Variants in NSL1 observed in about 807,000 individuals in gnomAD.
The protein encoded by NSL1 is NSL1 component of MIS12 kinetochore complex.
A neutral mutation model predicts 25.4 loss-of-function variants in NSL1; 11 were observed. The observed-to-expected ratio is 0.43, with a 90% CI of 0.27 to 0.72. The LOEUF (loss-of-function observed/expected upper bound fraction) is 0.72. Among genes scored for constraint, NSL1 ranks in the 30% least tolerant of loss-of-function variants. The probability of loss-of-function intolerance (pLI) is 0.19; values close to 1 mark genes in which losing one functional copy is unlikely to be tolerated. For missense variants in NSL1, 330 were observed against 342.7 expected, an observed-to-expected ratio of 0.96 and a Z score of 0.29; for synonymous variants, 118 against 120.6, an observed-to-expected ratio of 0.98 and a Z score of 0.14.
intron 4 of NSL1, among the ~76,000 whole-genome samples, chr1:212,754,775 A>AAAAAAAAAAAAAAAAAAAAAAC: frequency 6.6e-6 from 1 of 150,776 alleles, no homozygotes; most frequent in African/African-American, 2.4e-5. Flanking sequence ...GTCTCAAAAA[A>AAAAAAAAAAAAAAAAAAAAAAC]AAAAAAAAAA....
intron 4 of NSL1, among the ~76,000 whole-genome samples, chr1:212,758,658 TC>T (rs1659420136): frequency 6.6e-6 from 1 of 152,198 alleles, no homozygotes; most frequent in African/African-American, 2.4e-5. Flanking sequence ...TGGAAAGCCA[TC>T]CATTATTCAG....
chr1:212,754,010 G>A (rs577563280), intron 4 of NSL1, among the ~76,000 whole-genome samples: 5 of 152,276 alleles, frequency 3.3e-5, no homozygotes, highest in Admixed American at 2.6e-4. Context: ...CTGAAAGACT[G>A]GCAGCAAACA....
At chr1:212,745,614 C>G (rs1658754238) in intron 4 of NSL1, among the ~76,000 whole-genome samples, 1 of 152,142 alleles carries the variant, frequency 6.6e-6, no homozygotes, top group African/African-American at 2.4e-5. Flanking sequence ...AATTCACTAT[C>G]TGCCAAAAAT....
intron 3 of NSL1, among the ~76,000 whole-genome samples, chr1:212,782,869 C>G (rs1180163109): frequency 6.6e-6 from 1 of 152,122 alleles, no homozygotes; most frequent in Non-Finnish European, 1.5e-5. Flanking sequence ...GCCTATATAT[C>G]CTGCGACACA....
At position 212,744,057 on chromosome 1, in the gene NSL1, C is replaced by T. The variant is rs571014704; in HGVS notation, c.500-4456G>A. Among the ~76,000 whole-genome samples, 96 of 152,228 alleles carry T rather than the reference C, an allele frequency of 6.3e-4. 1 individual carries two copies. The highest frequency in any genetic ancestry group is 8.8e-5 in the Non-Finnish European group (6 of 68,036). On this transcript the variant is annotated intron_variant, in intron 4 of 5. Transcript: ENST00000366977. ...ATCTGTTAAAAACATTGAAAGGTAA[C>T]GAAGCAGCAGATGCAGCGTGCAGCA...
chr1:212,758,653 A>C (rs920942090), intron 4 of NSL1, among the ~76,000 whole-genome samples: 3 of 152,246 alleles, frequency 2.0e-5, no homozygotes, highest in African/African-American at 7.2e-5. Flanking sequence ...CCAGATGGAA[A>C]GCCATCCATT....
chr1:212,763,036 G>C (rs925982626), intron 4 of NSL1, among the ~76,000 whole-genome samples: 1 of 152,202 alleles, frequency 6.6e-6, no homozygotes, highest in African/African-American at 2.4e-5. Context: ...TGGGCATATG[G>C]AGAAAGGCAT....
chr1:212,735,492 G>A lies in NSL1; in HGVS notation c.*2916C>T, dbSNP rs1017933128. 9.1e-6 allele frequency: 9 copies of A among 985,228 alleles called. No individual in the cohort carries two copies. The highest frequency in any genetic ancestry group is 8.4e-6 in the Non-Finnish European group (7 of 829,924). The allele number at this position is 985,228 out of a possible 1,614,324, so 61.0% of individuals were successfully genotyped here. The stretch of plus-strand genomic sequence containing the variant: ...TGGTTTTATTCACTTTGTCCTCTAC[G>A]GAGCCCAAGCCATAAAGGGCCAGGG... On this transcript the variant is annotated 3_prime_UTR_variant, in exon 6 of 6. Coordinates refer to ENST00000366977, the MANE Select transcript of NSL1 (RefSeq NM_015471.4).
In NSL1 at chr1:212,782,433, A is replaced by G. The variant is rs1327082432; in HGVS notation, c.445-7T>C. On this transcript the variant is annotated splice_region_variant and splice_polypyrimidine_tract_variant and intron_variant, in intron 3 of 5. Transcript: ENST00000366977. ...CAACAGGGTGGTACTGCTTCTAAACATAACATAAATTAAAACAGATTTAAT... is the reference window on the plus strand; with the variant it reads ...CAACAGGGTGGTACTGCTTCTAAACGTAACATAAATTAAAACAGATTTAAT... 6.3e-7 allele frequency: 1 copy of G among 1,595,928 alleles called. No homozygotes were observed. The highest frequency in any genetic ancestry group is 1.3e-5 in the African/African-American group (1 of 74,556).
Position 212,784,401 on chromosome 1 carries a change from A to C in NSL1, c.406T>G (p.Cys136Gly). 1 of 1,590,762 alleles carries C rather than the reference A, an allele frequency of 6.3e-7. No individual in the cohort carries two copies. The highest frequency in any genetic ancestry group is 8.6e-7 in the Non-Finnish European group (1 of 1,165,462). The change falls in exon 3 of 6, where the codon TGT (cysteine) becomes GGT (glycine). Residue 136 changes from cysteine (C) to glycine (G), a missense_variant. Cys to Gly is a radical substitution (Grantham distance 159, BLOSUM62 -3). Transcript: ENST00000366977. ...RKQYPRKILECVIKTIKAKQE... is the reference protein window; with the variant it reads ...RKQYPRKILEGVIKTIKAKQE... ...TTTGCTTTTATGGTTTTGATGACAC[A>C]TTCCAGGATCTTTCTGGGATACTGC...
At chr1:212,739,938 T>G (rs1658428464) in intron 4 of NSL1, among the ~76,000 whole-genome samples, 1 of 152,196 alleles carries the variant, frequency 6.6e-6, no homozygotes, top group East Asian at 1.9e-4. Flanking sequence ...ACTTTTTATA[T>G]TACTCTGAAT....
Position 212,777,254 on chromosome 1 carries a change from G to T in NSL1, c.499+5118C>A, listed in dbSNP as rs551744566. ...TAGCCAGGCATGGTGACACATGCCT[G>T]AAGTCCCAGCTACTCAGGAGGTTGA... On this transcript the variant is annotated intron_variant, in intron 4 of 5. Coordinates refer to ENST00000366977, the MANE Select transcript of NSL1 (RefSeq NM_015471.4). Among the ~76,000 whole-genome samples, 28 of 152,068 alleles carry T rather than the reference G, an allele frequency of 1.8e-4. No homozygotes were observed. In the South Asian group the frequency reaches 4.6e-3, roughly 25 times the overall value.
At position 212,730,882 on chromosome 1, in the gene NSL1, G is replaced by A. The variant is rs916105387; in HGVS notation, c.*7526C>T. 1 of 985,210 alleles carries A rather than the reference G, an allele frequency of 1.0e-6. No individual in the cohort carries two copies. The highest frequency in any genetic ancestry group is 1.2e-6 in the Non-Finnish European group (1 of 829,908). 61.0% of individuals were successfully genotyped at this position (985,210 alleles called of 1,614,324 possible). A position where few individuals can be genotyped will look rare whatever the true frequency, so the allele number is the denominator to read the frequency against. On this transcript the variant is annotated 3_prime_UTR_variant, in exon 6 of 6. Transcript: ENST00000366977. ...TTAATAATGAATATAAATGCCACAAGCCATTAATGTGTGAGATTGTGATCC... is the reference window on the plus strand; with the variant it reads ...TTAATAATGAATATAAATGCCACAAACCATTAATGTGTGAGATTGTGATCC...
chr1:212,784,175 T>A (rs932469534), intron 3 of NSL1, 188 bp downstream of exon 3: 1 of 363,544 alleles, frequency 2.8e-6, no homozygotes, highest in African/African-American at 2.1e-5. Context: ...CAAAACACAG[T>A]ATAGTATGAC....
At chr1:212,755,127 C>G (rs1659244010) in intron 4 of NSL1, among the ~76,000 whole-genome samples, 1 of 151,992 alleles carries the variant, frequency 6.6e-6, no homozygotes, top group African/African-American at 2.4e-5. Context: ...CCAGTATAAC[C>G]AATGTCAGGG....
At chr1:212,767,639 C>T (rs1448075893) in intron 4 of NSL1, among the ~76,000 whole-genome samples, 1 of 152,170 alleles carries the variant, frequency 6.6e-6, no homozygotes, top group Admixed American at 6.5e-5. Context: ...AGACAACCCA[C>T]AGAGTGGGAG....
At chr1:212,767,928 T>C (rs1022105648) in intron 4 of NSL1, among the ~76,000 whole-genome samples, 1 of 152,228 alleles carries the variant, frequency 6.6e-6, no homozygotes, top group Non-Finnish European at 1.5e-5. Context: ...ACAATAGATG[T>C]TGGCATGGCT....
At chr1:212,783,207 T>C (rs950077522) in intron 3 of NSL1, among the ~76,000 whole-genome samples, 1 of 152,188 alleles carries the variant, frequency 6.6e-6, no homozygotes, top group Admixed American at 6.5e-5. Context: ...TCACCTTATC[T>C]ATTTTGCATT....
intron 4 of NSL1, among the ~76,000 whole-genome samples, chr1:212,779,819 C>T (rs12726514): frequency 2.9e-5 from 4 of 139,562 alleles, no homozygotes; most frequent in African/African-American, 1.1e-4. Context: ...CCGCCCCGTC[C>T]GGGAGGGAGG....
Sources: gnomAD v4.1 joint callset for allele counts (sites outside exome capture counted in the v4.1 genomes callset) on GRCh38, gnomAD v4.1.1 for gene constraint, MANE v1.5 for transcripts, NCBI Gene and HGNC (gene_info 2026-07-23, HGNC 2026-07-21) for gene names.